Variants in DNAJC1 observed in about 807,000 individuals in gnomAD.
The protein encoded by DNAJC1 is DnaJ heat shock protein family (Hsp40) member C1.
In DNAJC1, 58 loss-of-function variants were observed where a neutral mutation model predicts 76.6. The observed-to-expected ratio is 0.76, with a 90% CI of 0.61 to 0.94. DNAJC1 has a LOEUF of 0.94. Ranked by LOEUF, DNAJC1 falls within the 40% of genes least tolerant of loss-of-function variation. DNAJC1 has a pLI of 0.00. For missense variants in DNAJC1, 689 were observed against 677.3 expected (o/e 1.02, Z -0.19); for synonymous variants, 258 against 267.9 (o/e 0.96, Z 0.36).
At chr10:21,966,906 C>T (rs1423504543) in intron 1 of DNAJC1, among the ~76,000 whole-genome samples, 4 of 151,886 alleles carry the variant, frequency 2.6e-5, no homozygotes, top group African/African-American at 7.3e-5. Context: ...AGGCTGGTCT[C>T]GAACTCCTGA....
chr10:21,791,359 C>T (rs1231696946), intron 9 of DNAJC1, among the ~76,000 whole-genome samples: 1 of 152,172 alleles, frequency 6.6e-6, no homozygotes, highest in African/African-American at 2.4e-5. Flanking sequence ...AACAAGAAAA[C>T]ACTGAATTTG....
chr10:21,942,592 G>C (rs1344451988), intron 1 of DNAJC1, among the ~76,000 whole-genome samples: 1 of 151,992 alleles, frequency 6.6e-6, no homozygotes, highest in Non-Finnish European at 1.5e-5. Context: ...AGATCACGAG[G>C]TAAGGAGATC....
chr10:21,922,653 C>G (rs1189774381), intron 3 of DNAJC1, among the ~76,000 whole-genome samples: 2 of 151,890 alleles, frequency 1.3e-5, no homozygotes, highest in Non-Finnish European at 2.9e-5. Flanking sequence ...CTTATAAATA[C>G]TGATTCATTT....
chr10:21,779,816 G>A (rs1028749560), intron 9 of DNAJC1, among the ~76,000 whole-genome samples: 21 of 152,092 alleles, frequency 1.4e-4, no homozygotes, highest in Admixed American at 9.2e-4. Context: ...GAGGATGTTC[G>A]AACCCATCGC....
intron 1 of DNAJC1, among the ~76,000 whole-genome samples, chr10:21,951,566 C>T (rs1837595303): frequency 9.7e-6 from 1 of 103,504 alleles, no homozygotes; most frequent in South Asian, 4.5e-4. Context: ...GATATATAAA[C>T]CATTCCTTCA....
intron 7 of DNAJC1, among the ~76,000 whole-genome samples, chr10:21,896,933 TTC>T (rs1836553522): frequency 6.6e-6 from 1 of 152,204 alleles, no homozygotes; most frequent in Non-Finnish European, 1.5e-5. Context: ...CCTTTTCCCC[TTC>T]TGTTCCTTGT....
At chr10:21,777,158 A>T (rs1428083684) in intron 9 of DNAJC1, among the ~76,000 whole-genome samples, 1 of 152,202 alleles carries the variant, frequency 6.6e-6, no homozygotes, top group African/African-American at 2.4e-5. Flanking sequence ...AATAGTATTC[A>T]AAGTGTATGT....
rs535301049 is a variant in DNAJC1 at position 21,779,645 on chromosome 10, G to A, written c.1099-13336C>T. 7.9e-4 allele frequency among the ~76,000 whole-genome samples: 120 copies of A among 152,298 alleles called. 2 individuals are homozygous for A. In the South Asian group the frequency reaches 0.023, roughly 29 times the overall value. The stretch of plus-strand genomic sequence containing the variant: ...GTAGATAAAACCACAAAGATGGGGA[G>A]AAACCAGAGCACAAAAGCTGAGAAT... On this transcript the variant is annotated intron_variant, in intron 9 of 11. Transcript: ENST00000376980.
chr10:21,932,012 G>A lies in DNAJC1; in HGVS notation c.223-2871C>T, dbSNP rs575738783. Among the ~76,000 whole-genome samples the A allele has an allele frequency of 7.2e-5, 11 of 151,976 alleles. No homozygotes were observed. In the East Asian group the frequency reaches 2.1e-3, roughly 29 times the overall value. ...GAAGAAGAAATGTATCATCACTTTT[G>A]GGAAAAAAAACAAAAACAAAACAAA... On this transcript the variant is annotated intron_variant, in intron 1 of 11. Transcript: ENST00000376980.
chr10:21,868,913 A>C (rs1467778293), intron 8 of DNAJC1, among the ~76,000 whole-genome samples: 1 of 152,112 alleles, frequency 6.6e-6, no homozygotes, highest in African/African-American at 2.4e-5. Flanking sequence ...AGACTGACAA[A>C]ACAGATTCTT....
chr10:21,967,598 CAGTT>C (rs1837913720), intron 1 of DNAJC1, among the ~76,000 whole-genome samples: 1 of 152,110 alleles, frequency 6.6e-6, no homozygotes, highest in Non-Finnish European at 1.5e-5. Flanking sequence ...TAAAAGGTAT[CAGTT>C]AGGATATAGG....
rs1261539685 is a variant in DNAJC1 at position 21,759,602 on chromosome 10, G to C, written c.1164C>G (p.Ser388=). 1 of 1,613,788 alleles carries C rather than the reference G, an allele frequency of 6.2e-7. No homozygotes were observed. The change falls in exon 11 of 12, where the codon TCC becomes TCG. Residue 388 remains serine, a synonymous_variant. Transcript: ENST00000376980. ...VTCSPGMVRL[S]ELKSTVQNSR... ...AATTCTGAACTGTCGATTTGAGTTC[G>C]GAGAGTCTAACCATTCCTAGGAAAG...
intron 3 of DNAJC1, among the ~76,000 whole-genome samples, chr10:21,923,613 C>T (rs1837073504): frequency 6.6e-6 from 1 of 151,728 alleles, no homozygotes. Context: ...ATCACTAATG[C>T]TAAAAATCAT....
At chr10:21,795,299 T>C (rs897069494) in intron 9 of DNAJC1, among the ~76,000 whole-genome samples, 3 of 152,196 alleles carry the variant, frequency 2.0e-5, no homozygotes, top group Non-Finnish European at 4.4e-5. Context: ...CACACAAATA[T>C]TGAGCAATAT....
chr10:21,772,856 CAGCATCTGCTTG>C (rs1273604730), intron 9 of DNAJC1, among the ~76,000 whole-genome samples: 1 of 152,126 alleles, frequency 6.6e-6, no homozygotes, highest in African/African-American at 2.4e-5. Flanking sequence ...GGAAGCGTGG[CAGCATCTGCTTG>C]GCTTCTGGGG....
chr10:21,814,220 T>C (rs1400806505), intron 8 of DNAJC1, among the ~76,000 whole-genome samples: 3 of 152,272 alleles, frequency 2.0e-5, no homozygotes, highest in Non-Finnish European at 2.9e-5. Context: ...GGAAGAATTG[T>C]GGAAGTGGCT....
chr10:21,965,233 C>G (rs1318371746), intron 1 of DNAJC1, among the ~76,000 whole-genome samples: 5 of 152,184 alleles, frequency 3.3e-5, no homozygotes, highest in Non-Finnish European at 7.3e-5. Context: ...CACTAACTCT[C>G]TTTTCAGCTG....
At chr10:21,933,792 T>C (rs1266019845) in intron 1 of DNAJC1, among the ~76,000 whole-genome samples, 1 of 152,196 alleles carries the variant, frequency 6.6e-6, no homozygotes, top group African/African-American at 2.4e-5. Context: ...TCTAGTGACA[T>C]GTTACCCTTC....
At chr10:21,789,491 G>A (rs1029579260) in intron 9 of DNAJC1, among the ~76,000 whole-genome samples, 1 of 151,890 alleles carries the variant, frequency 6.6e-6, no homozygotes, top group Non-Finnish European at 1.5e-5. Flanking sequence ...ATCACAAGAG[G>A]AACACGACTC....
Sources: allele counts gnomAD v4.1 joint callset (sites outside exome capture counted in the v4.1 genomes callset), GRCh38; gene constraint gnomAD v4.1.1; transcripts MANE v1.5; gene names NCBI Gene and HGNC (gene_info 2026-07-23, HGNC 2026-07-21).